Variants in JADE3 observed in about 807,000 individuals in gnomAD.
JADE3 encodes the protein protein Jade-3.
JADE3 carries 2 observed loss-of-function variants against 50.1 expected under a neutral mutation model. The observed-to-expected ratio is 0.04, with a 90% CI of 0.02 to 0.13. The LOEUF (loss-of-function observed/expected upper bound fraction) is 0.13, where lower values mean the gene tolerates loss of function less well. JADE3 is among the 10% of genes least tolerant of loss of function. The pLI, the probability that JADE3 is intolerant of heterozygous loss-of-function variation, is 1.00. For missense variants in JADE3, 475 were observed against 634.4 expected (o/e 0.75, Z 2.70); for synonymous variants, 218 against 232.9 (o/e 0.94, Z 0.58).
intron 3 of JADE3, among the ~76,000 whole-genome samples, chrX:46,988,001 T>C: frequency 8.9e-6 from 1 of 112,667 alleles, no homozygotes; most frequent in Non-Finnish European, 1.9e-5. Flanking sequence ...CTCTCTGAGA[T>C]AATTTGTCAG....
chrX:46,923,274 C>G (rs1926265715), intron 1 of JADE3, among the ~76,000 whole-genome samples: 2 of 108,616 alleles, frequency 1.8e-5, no homozygotes, highest in South Asian at 8.2e-4. Flanking sequence ...CTTGACCTCT[C>G]AAAGTGCTGG....
At chrX:46,946,692 G>A (rs782552688) in intron 1 of JADE3, among the ~76,000 whole-genome samples, 4 of 112,030 alleles carry the variant, frequency 3.6e-5, no homozygotes, top group Non-Finnish European at 5.6e-5. Context: ...TGCAAGAGCC[G>A]ATTTGCGTGC....
rs781843239 is a variant in JADE3, at chrX:47,043,909, CAG to C, written c.972+4847_972+4848del. The stretch of plus-strand genomic sequence containing the variant: ...GCAATTGACAGACTGAAGAATACAT[CAG>C]AGTCTCTTAACAGCAGACTTAAGCA... On this transcript the variant is annotated intron_variant, in intron 8 of 10. Transcript: ENST00000614628. 4.5e-5 allele frequency among the ~76,000 whole-genome samples: 5 copies of C among 110,128 alleles called. No homozygotes were observed. The East Asian group carries it at 8.5e-4, about 19-fold the overall frequency.
intron 1 of JADE3, among the ~76,000 whole-genome samples, chrX:46,979,873 A>ATTT (rs56397998): frequency 1.6e-4 from 10 of 63,134 alleles, no homozygotes; most frequent in Non-Finnish European, 2.0e-4. Flanking sequence ...ATGTCTGCTG[A>ATTT]TTTTTTTTTT....
chrX:46,945,099 C>T (rs1305617898), intron 1 of JADE3, among the ~76,000 whole-genome samples: 1 of 108,478 alleles, frequency 9.2e-6, no homozygotes, highest in African/African-American at 3.4e-5. Context: ...CAAACAGTTC[C>T]TCCCACCTTG....
intron 10 of JADE3, among the ~76,000 whole-genome samples, chrX:47,057,068 A>G (rs1929645904): frequency 8.9e-6 from 1 of 112,097 alleles, no homozygotes; most frequent in African/African-American, 3.2e-5. Flanking sequence ...ACAAAGGGCA[A>G]CATGACAAGC....
chrX:46,944,068 C>T (rs1047659390), intron 1 of JADE3, among the ~76,000 whole-genome samples: 2 of 110,639 alleles, frequency 1.8e-5, no homozygotes, highest in African/African-American at 6.6e-5. Flanking sequence ...CTTGTCATTT[C>T]TGATTGTGCT....
At chrX:47,023,193 G>A (rs1556364853) in intron 4 of JADE3, among the ~76,000 whole-genome samples, 1 of 111,058 alleles carries the variant, frequency 9.0e-6, no homozygotes, top group East Asian at 2.8e-4. Flanking sequence ...TGCCATGGTC[G>A]TTTGCTGCAC....
chrX:46,913,249 A>T (rs1311647948), intron 1 of JADE3, among the ~76,000 whole-genome samples: 8 of 109,906 alleles, frequency 7.3e-5, no homozygotes, highest in African/African-American at 2.6e-4. Flanking sequence ...GAAAGAACCG[A>T]GTGCCTGGAG....
chrX:46,929,400 C>T (rs1457442628), intron 1 of JADE3, among the ~76,000 whole-genome samples: 1 of 111,908 alleles, frequency 8.9e-6, no homozygotes, highest in East Asian at 2.8e-4. Flanking sequence ...AATAAACTTA[C>T]TTGAAAGAGC....
chrX:46,917,858 C>CCT (rs150958785), intron 1 of JADE3, among the ~76,000 whole-genome samples: 601 of 22,816 alleles, frequency 0.026, 21 homozygotes, highest in East Asian at 0.097. Context: ...TCTCTCTCAT[C>CCT]CTCTCTCTCT....
At chrX:47,011,049 G>A (rs1351542084) in intron 4 of JADE3, among the ~76,000 whole-genome samples, 1 of 110,861 alleles carries the variant, frequency 9.0e-6, no homozygotes, top group Non-Finnish European at 1.9e-5. Context: ...TCAGACTAAG[G>A]CCCCATCCTT....
At chrX:47,034,878 T>C (rs1185702165) in intron 7 of JADE3, among the ~76,000 whole-genome samples, 1 of 108,884 alleles carries the variant, frequency 9.2e-6, no homozygotes, top group East Asian at 2.9e-4. Context: ...CCTCCCAAAG[T>C]GCTGGGATTA....
At chrX:47,006,459 G>GTT (rs61687892) in intron 4 of JADE3, among the ~76,000 whole-genome samples, 23 of 76,640 alleles carry the variant, frequency 3.0e-4, no homozygotes, top group African/African-American at 5.2e-4. Flanking sequence ...AATTTTTGTA[G>GTT]TTTTTTTTTT....
intron 4 of JADE3, among the ~76,000 whole-genome samples, chrX:46,998,665 GTC>G (rs1260394564): frequency 9.1e-6 from 1 of 110,232 alleles, no homozygotes; most frequent in Admixed American, 9.8e-5. Flanking sequence ...CAATACCTGA[GTC>G]TGTTTTATTT....
At chrX:46,927,361 A>G (rs10481837) in intron 1 of JADE3, among the ~76,000 whole-genome samples, 44,778 of 110,963 alleles carry the variant, frequency 0.4, 6,652 homozygotes, top group Non-Finnish European at 0.46. Context: ...TAAGTAATCT[A>G]TAAGTGTGGC....
At chrX:46,962,067 G>A (rs1274394463) in intron 1 of JADE3, among the ~76,000 whole-genome samples, 1 of 111,672 alleles carries the variant, frequency 9.0e-6, no homozygotes, top group Non-Finnish European at 1.9e-5. Flanking sequence ...ATGTGGCTTC[G>A]GCTGTGGCCT....
chrX:46,951,490 G>A (rs1465917461), intron 1 of JADE3, among the ~76,000 whole-genome samples: 3 of 106,830 alleles, frequency 2.8e-5, no homozygotes, highest in Non-Finnish European at 5.8e-5. Context: ...GGGAGGCTGA[G>A]GCAGGAGAAT....
intron 1 of JADE3, among the ~76,000 whole-genome samples, chrX:46,937,837 C>T (rs1926666002): frequency 9.1e-6 from 1 of 110,405 alleles, no homozygotes; most frequent in South Asian, 3.9e-4. Context: ...AAAAAGTAGC[C>T]GGGCATGGTG....
Sources: gnomAD v4.1 joint callset for allele counts (sites outside exome capture counted in the v4.1 genomes callset) on GRCh38, gnomAD v4.1.1 for gene constraint, MANE v1.5 for transcripts, NCBI Gene and HGNC (gene_info 2026-07-23, HGNC 2026-07-21) for gene names.